Variants in UPP2 observed in about 807,000 individuals in gnomAD.
The protein encoded by UPP2 is UPase 2.
UPP2 carries 23 observed loss-of-function variants against 26.7 expected under a neutral mutation model. The ratio of observed to expected loss-of-function variants is 0.86; its 90% CI spans 0.62 to 1.22. The LOEUF (loss-of-function observed/expected upper bound fraction) is 1.22. UPP2 is among the 50% of genes most tolerant of loss of function. The pLI is 0.00. For missense variants in UPP2, 387 were observed against 396.7 expected (o/e 0.98, Z 0.21); for synonymous variants, 127 against 141.3 (o/e 0.90, Z 0.72).
intron 3 of UPP2, among the ~76,000 whole-genome samples, chr2:158,062,036 A>G (rs536263610): frequency 2.0e-4 from 31 of 152,266 alleles, no homozygotes; most frequent in Non-Finnish European, 3.8e-4. Context: ...ATTTACATAC[A>G]GACTACAGCT....
chr2:158,074,886 A>G (rs1053491787), intron 3 of UPP2, among the ~76,000 whole-genome samples: 5 of 151,470 alleles, frequency 3.3e-5, no homozygotes, highest in African/African-American at 1.2e-4. Context: ...AAGGCACTTC[A>G]CCTATAAACA....
chr2:158,126,719 G>T (rs1344716221), intron 6 of UPP2: 1 of 152,202 alleles, frequency 6.6e-6, no homozygotes, highest in Non-Finnish European at 1.5e-5. Flanking sequence ...GGGAAGGGCT[G>T]AGAATGCATT....
At chr2:158,131,500 A>G (rs887941939) in intron 6 of UPP2, among the ~76,000 whole-genome samples, 9 of 152,174 alleles carry the variant, frequency 5.9e-5, no homozygotes, top group Admixed American at 1.3e-4. Context: ...TTTTGTGTGA[A>G]AAGAGGTTCC....
chr2:158,046,837 A>G (rs1684162700), intron 3 of UPP2, among the ~76,000 whole-genome samples: 1 of 152,200 alleles, frequency 6.6e-6, no homozygotes, highest in Non-Finnish European at 1.5e-5. Flanking sequence ...TTCCTTATAT[A>G]GGGAACCAGG....
intron 2 of UPP2, among the ~76,000 whole-genome samples, chr2:158,108,276 C>G (rs1683236431): frequency 6.6e-6 from 1 of 152,116 alleles, no homozygotes; most frequent in South Asian, 2.1e-4. Context: ...ATTATCTCCA[C>G]TTTACAGATG....
chr2:158,075,654 A>G (rs1017532255), intron 3 of UPP2, among the ~76,000 whole-genome samples: 1 of 152,076 alleles, frequency 6.6e-6, no homozygotes, highest in African/African-American at 2.4e-5. Flanking sequence ...TCATAGAAAT[A>G]CAACATACCA....
At position 157,996,492 on chromosome 2, in the gene UPP2, C is replaced by G. The variant is rs143640024; in HGVS notation, c.61+1233C>G. Among the ~76,000 whole-genome samples, 373 of 152,210 alleles carry G rather than the reference C, an allele frequency of 2.5e-3. 2 individuals carry two copies. The highest frequency in any genetic ancestry group is 6.8e-3 in the Middle Eastern group (2 of 294). ...AATGTTGTTGCCTAATTTGGGGTCT[C>G]TAAAATGACTTGTAAATAAGAATTA... On this transcript the variant is annotated intron_variant, in intron 2 of 9. Coordinates refer to the UPP2 transcript ENST00000605860.
chr2:158,111,422 T>C (rs2105218783), intron 2 of UPP2, among the ~76,000 whole-genome samples: 1 of 152,298 alleles, frequency 6.6e-6, no homozygotes, highest in Non-Finnish European at 1.5e-5. Flanking sequence ...AGATTAAAGC[T>C]TGCATGGTCT....
chr2:158,062,734 A>G (rs1487705175), intron 3 of UPP2, among the ~76,000 whole-genome samples: 1 of 152,132 alleles, frequency 6.6e-6, no homozygotes, highest in Non-Finnish European at 1.5e-5. Flanking sequence ...TTCTTCTGAG[A>G]TAACACTTGT....
chr2:158,008,006 C>G (rs555079420), intron 2 of UPP2, among the ~76,000 whole-genome samples: 14 of 152,102 alleles, frequency 9.2e-5, no homozygotes, highest in Non-Finnish European at 1.6e-4. Flanking sequence ...TTTTCAAGCT[C>G]AGGATCTAAG....
intron 4 of UPP2, among the ~76,000 whole-genome samples, chr2:158,120,173 G>A (rs1286769506): frequency 6.6e-6 from 1 of 151,970 alleles, no homozygotes; most frequent in East Asian, 1.9e-4. Context: ...TGAAGGATAA[G>A]TCTATACTCT....
At chr2:158,098,098 T>C (rs1683015043), upstream of UPP2, among the ~76,000 whole-genome samples, 2 of 152,056 alleles carry the variant, frequency 1.3e-5, no homozygotes, top group Non-Finnish European at 2.9e-5. Context: ...ACACGGAGAT[T>C]GCTAGAAACC....
rs1332780474 is a variant in UPP2 at position 158,104,934 on chromosome 2, AGG to A, written c.63-1163_63-1162del. On this transcript the variant is annotated intron_variant, in intron 1 of 6. Transcript: ENST00000005756. ...AAACTCTGAAAGGGAAGGGAAGGGA[AGG>A]GAAGGGAAGGGAAGGGAAGGGAAGG... is the stretch of plus-strand genomic sequence containing the variant. Among the ~76,000 whole-genome samples, 52 of 40,644 alleles carry A rather than the reference AGG, an allele frequency of 1.3e-3. 2 individuals carry two copies. Among genetic ancestry groups the A allele is most frequent in the Middle Eastern group, 0.023 (2 of 88 alleles). 26.7% of individuals were successfully genotyped at this position (40,644 alleles called of 152,430 possible).
intron 3 of UPP2, among the ~76,000 whole-genome samples, chr2:158,060,418 T>C (rs1239762694): frequency 1.3e-5 from 2 of 152,134 alleles, no homozygotes; most frequent in Non-Finnish European, 2.9e-5. Context: ...GTTATTATGA[T>C]AGTGGGTAAT....
chr2:158,019,641 C>A (rs1574248337), intron 3 of UPP2, among the ~76,000 whole-genome samples: 1 of 6,368 alleles, frequency 1.6e-4, no homozygotes, highest in Non-Finnish European at 2.1e-4. Context: ...TCCTTTAAAA[C>A]ACACACACAC....
At chr2:158,101,636 A>G (rs954061141), upstream of UPP2, among the ~76,000 whole-genome samples, 5 of 152,212 alleles carry the variant, frequency 3.3e-5, no homozygotes, top group Admixed American at 6.5e-5. Context: ...AAACCAAAAG[A>G]GGACTCGTAT....
chr2:158,024,660 A>T (rs1683807460), intron 3 of UPP2, among the ~76,000 whole-genome samples: 4 of 152,218 alleles, frequency 2.6e-5, no homozygotes, highest in Admixed American at 2.6e-4. Context: ...CATTTTAATC[A>T]AATACTGACA....
Position 158,090,225 on chromosome 2 carries a change from G to A in UPP2, c.148-11815G>A, listed in dbSNP as rs1013219079. ...TGTATTAAAACATCAAATGTAGGCC[G>A]GGCACAGTGGCTCACTCCTGTAATC... On this transcript the variant is annotated intron_variant, in intron 3 of 9. Coordinates refer to the UPP2 transcript ENST00000605860. Among the ~76,000 whole-genome samples the A allele has an allele frequency of 2.6e-4, 39 of 152,072 alleles. 1 individual carries two copies. The highest frequency in any genetic ancestry group is 8.9e-4 in the African/African-American group (37 of 41,392).
chr2:158,083,867 T>TATATATATATATA (rs1553467792), intron 3 of UPP2, among the ~76,000 whole-genome samples: 43 of 145,872 alleles, frequency 2.9e-4, no homozygotes, highest in African/African-American at 1.1e-3. Flanking sequence ...TATATGTTTT[T>TATATATATATATA]TATATATATA....
Sources: allele counts gnomAD v4.1 joint callset (sites outside exome capture counted in the v4.1 genomes callset), GRCh38; gene constraint gnomAD v4.1.1; transcripts MANE v1.5; gene names NCBI Gene and HGNC (gene_info 2026-07-23, HGNC 2026-07-21).